ZNF782: variants seen among roughly 807,000 people sequenced by gnomAD.
ZNF782 encodes zinc finger protein 782.
In ZNF782, 12 loss-of-function variants were observed where a neutral mutation model predicts 13.0. That is an observed-to-expected ratio of 0.92 (90% CI 0.59 to 1.50). ZNF782 has a LOEUF of 1.50. Ranked by LOEUF, ZNF782 falls within the 40% of genes most tolerant of loss-of-function variation. The pLI is 0.00. For synonymous variants in ZNF782, 284 were observed against 283.0 expected, an observed-to-expected ratio of 1.00 and a Z score of -0.04; for missense variants, 770 against 822.9, an observed-to-expected ratio of 0.94 and a Z score of 0.79.
At chr9:96,875,926 G>GT (rs1452945196), upstream of ZNF782, among the ~76,000 whole-genome samples, 1 of 152,234 alleles carries the variant, frequency 6.6e-6, no homozygotes, top group Non-Finnish European at 1.5e-5. Flanking sequence ...CTTTCCTAGA[G>GT]TGTGGCGCGC....
intron 3 of ZNF782, among the ~76,000 whole-genome samples, chr9:96,848,189 C>G (rs1333686855): frequency 6.6e-6 from 1 of 152,092 alleles, no homozygotes; most frequent in Admixed American, 6.6e-5. Context: ...CCATATGTGA[C>G]AAGCCCACAG....
In ZNF782 at chr9:96,818,948, C is replaced by T; in HGVS notation, c.1075G>A (p.Val359Ile). 6.2e-7 allele frequency: 1 copy of T among 1,614,128 alleles called. No individual in the cohort carries two copies. The highest frequency in any genetic ancestry group is 8.5e-7 in the Non-Finnish European group (1 of 1,180,016). ...TCATAGGGTTTTGCCCTTATGTGAA[C>T]CTTCTGATGTACACTGAAAGTTGAC... ...YQSTFSVHQK[V>I]HIRAKPYEYN... The change falls in exon 6 of 6, where the codon GTT (valine) becomes ATT (isoleucine). Residue 359 changes from valine (V) to isoleucine (I), a missense_variant. Physicochemically the swap from Val to Ile is conservative, Grantham distance 29. Coordinates refer to ENST00000481138, the MANE Select transcript of ZNF782 (RefSeq NM_001001662.3).
chr9:96,866,199 C>A (rs1588175674), intron 1 of ZNF782, among the ~76,000 whole-genome samples: 1 of 152,170 alleles, frequency 6.6e-6, no homozygotes, highest in Non-Finnish European at 1.5e-5. Context: ...TTTGTGGCAG[C>A]CCCTCCCATC....
chr9:96,889,421 T>TG, the ZNF782 span: 1 of 151,868 alleles, frequency 6.6e-6, no homozygotes, highest in Non-Finnish European at 1.5e-5. Context: ...TTTTTTGAGA[T>TG]GGAGTTTTGC....
the ZNF782 span, among the ~76,000 whole-genome samples, chr9:96,899,410 T>G: frequency 6.6e-6 from 1 of 152,172 alleles, no homozygotes; most frequent in Non-Finnish European, 1.5e-5. Context: ...ACCCATATTT[T>G]AATCTTTTTG....
chr9:96,843,047 T>C (rs984821301), intron 4 of ZNF782, among the ~76,000 whole-genome samples: 2 of 152,140 alleles, frequency 1.3e-5, no homozygotes, highest in Non-Finnish European at 2.9e-5. Context: ...CAACAATGCC[T>C]AGTACCAGAA....
Position 96,861,298 on chromosome 9 carries a change from A to C in ZNF782, c.-381+230T>G, listed in dbSNP as rs574316336. On this transcript the variant is annotated intron_variant, in intron 2 of 5. Transcript: ENST00000498811. The stretch of plus-strand genomic sequence containing the variant: ...GCAAAAGAAACAATCAGCAAAGTGA[A>C]GAGACAACCCACAGAATGGGGGAAG... Among the ~76,000 whole-genome samples, 72 of 152,370 alleles carry C rather than the reference A, an allele frequency of 4.7e-4. 1 individual carries two copies. Among genetic ancestry groups the C allele is most frequent in the African/African-American group, 1.7e-3 (70 of 41,586 alleles).
chr9:96,882,270 G>A, the ZNF782 span, among the ~76,000 whole-genome samples: 1 of 151,954 alleles, frequency 6.6e-6, no homozygotes, highest in Non-Finnish European at 1.5e-5. Context: ...TGAGATATTG[G>A]ACAGAAGCAG....
chr9:96,874,041 A>G (rs1851860935), intron 1 of ZNF782, among the ~76,000 whole-genome samples: 1 of 152,224 alleles, frequency 6.6e-6, no homozygotes, highest in South Asian at 2.1e-4. Context: ...TAATACAGAC[A>G]CCAGTGAAAT....
intron 1 of ZNF782, among the ~76,000 whole-genome samples, chr9:96,873,992 T>C (rs78568815): frequency 0.011 from 1,716 of 152,334 alleles, 46 homozygotes; most frequent in African/African-American, 0.039. Context: ...CTACCAAAGC[T>C]CAAATTTACT....
chr9:96,911,828 C>T, the ZNF782 span, among the ~76,000 whole-genome samples: 1 of 151,902 alleles, frequency 6.6e-6, no homozygotes, highest in Admixed American at 6.6e-5. Flanking sequence ...CCCTGAAAAA[C>T]AATCTTATTC....
Position 96,818,979 on chromosome 9 carries a change from G to A in ZNF782, c.1044C>T (p.Ser348=). The A allele has an allele frequency of 6.2e-7, 1 of 1,614,172 alleles. No homozygotes were observed. The part of the protein sequence containing the change: ...SDYHPCTETF[S]YQSTFSVHQK... The stretch of plus-strand genomic sequence containing the variant: ...GATGTACACTGAAAGTTGACTGGTA[G>A]CTGAATGTCTCTGTACATGGGTGAT... The change falls in exon 6 of 6, where the codon AGC becomes AGT. Residue 348 remains serine, a synonymous_variant. Transcript: ENST00000481138.
At chr9:96,920,729 CATG>C in the ZNF782 span, among the ~76,000 whole-genome samples, 1 of 148,832 alleles carries the variant, frequency 6.7e-6, no homozygotes, top group East Asian at 2.0e-4. Flanking sequence ...GCCTGACCAA[CATG>C]ATGAAACCCC....
chr9:96,819,430 T>G lies in ZNF782; in HGVS notation c.593A>C (p.His198Pro), dbSNP rs1414642715. ...CTGATGTTGAATAACTTCCTCCTTA[T>G]GATGGAGGGTTTTCACAATTTTACT... ...AYSKIVKTLH[H>P]KEEVIQHQTI... Residue 198 changes from histidine (H) to proline (P), a missense_variant, in exon 6 of 6, where the codon CAT becomes CCT. Physicochemically the swap from His to Pro is moderately conservative, Grantham distance 77. Transcript: ENST00000481138. The G allele has an allele frequency of 3.7e-6, 6 of 1,613,452 alleles. No homozygotes were observed. The highest frequency in any genetic ancestry group is 5.1e-6 in the Non-Finnish European group (6 of 1,179,882).
chr9:96,930,871 G>GTTTT, the ZNF782 span, among the ~76,000 whole-genome samples: 6 of 104,448 alleles, frequency 5.7e-5, no homozygotes, highest in African/African-American at 1.5e-4. Context: ...TCCATCCAGT[G>GTTTT]GTTTTTTTTT....
chr9:96,897,222 A>G, the ZNF782 span, among the ~76,000 whole-genome samples: 1 of 152,160 alleles, frequency 6.6e-6, no homozygotes, highest in African/African-American at 2.4e-5. Flanking sequence ...AAGATACCAA[A>G]TTCTACATTT....
chr9:96,900,952 G>A, the ZNF782 span, among the ~76,000 whole-genome samples: 233 of 144,396 alleles, frequency 1.6e-3, 1 homozygote, highest in Middle Eastern at 0.014. Flanking sequence ...ATGAGATCAG[G>A]AGTTCAAGAC....
the ZNF782 span, among the ~76,000 whole-genome samples, chr9:96,902,225 G>A: frequency 6.6e-6 from 1 of 151,458 alleles, no homozygotes; most frequent in South Asian, 2.1e-4. Flanking sequence ...CTGGAGGTCA[G>A]GATCCCTGAC....
chr9:96,818,352 T>C lies in ZNF782; in HGVS notation c.1671A>G (p.Thr557=), dbSNP rs1448874184. Residue 557 remains threonine (T), a synonymous_variant, in exon 6 of 6, where the codon ACA becomes ACG. Transcript: ENST00000481138. Reference sequence around the variant, plus strand: ...GATTACATTTATAGGGTTTTTCCCCTGTGTGAATTCTATGATGTCCTCTGA... The same window carrying C: ...GATTACATTTATAGGGTTTTTCCCCCGTGTGAATTCTATGATGTCCTCTGA... The part of the protein sequence containing the change: ...SQLRGHHRIH[T]GEKPYKCNHC... The C allele has an allele frequency of 6.2e-7, 1 of 1,613,832 alleles. No individual in the cohort carries two copies. The highest frequency in any genetic ancestry group is 1.3e-5 in the African/African-American group (1 of 74,894).
Sources: gnomAD v4.1 joint callset for allele counts (sites outside exome capture counted in the v4.1 genomes callset) on GRCh38, gnomAD v4.1.1 for gene constraint, MANE v1.5 for transcripts, NCBI Gene and HGNC (gene_info 2026-07-23, HGNC 2026-07-21) for gene names.